Variants in PCDHGA6 observed in about 807,000 individuals in gnomAD.
PCDHGA6 encodes the protein protocadherin gamma subfamily A, 6.
In PCDHGA6, 41 loss-of-function variants were observed where a neutral mutation model predicts 60.6. That is an observed-to-expected ratio of 0.68 (90% CI 0.53 to 0.88). The LOEUF is 0.88. Ranked by LOEUF, PCDHGA6 falls within the 40% of genes least tolerant of loss-of-function variation. The pLI, the probability that PCDHGA6 is intolerant of heterozygous loss-of-function variation, is 0.00. For synonymous variants in PCDHGA6, 594 were observed against 524.4 expected, an observed-to-expected ratio of 1.13 and a Z score of -1.81; for missense variants, 1,312 against 1,203.0, an observed-to-expected ratio of 1.09 and a Z score of -1.34.
At chr5:141,469,468 G>A (rs62379200) in intron 1 of PCDHGA6, among the ~76,000 whole-genome samples, 32,669 of 151,998 alleles carry the variant, frequency 0.21, 3,638 homozygotes, top group African/African-American at 0.27. Context: ...TCAGCTACTC[G>A]GGAGGCTGAG....
At chr5:141,413,199 A>T in intron 1 of PCDHGA6, 1 of 1,611,930 alleles carries the variant, frequency 6.2e-7, no homozygotes, top group Non-Finnish European at 8.5e-7. Flanking sequence ...GGAATCGCTC[A>T]AAGGAATCAA....
chr5:141,427,711 A>G, intron 1 of PCDHGA6: 1 of 1,036,496 alleles, frequency 9.6e-7, no homozygotes. Context: ...AGCGCCTCTG[A>G]CCTGGACCTA....
rs369886570 is a variant in PCDHGA6 at position 141,487,839 on chromosome 5, G to A, written c.2425-6968G>A. ...GGGGGCGGGTCATGCCTATATCTGAGTAAGAAATGAAAGTAATTGGTGATC... is the reference window on the plus strand; with the variant it reads ...GGGGGCGGGTCATGCCTATATCTGAATAAGAAATGAAAGTAATTGGTGATC... On this transcript the variant is annotated intron_variant, in intron 1 of 3. Transcript: ENST00000517434. The surrounding 1 kb of genome is among the most constrained non-coding windows in gnomAD (Gnocchi z 5.0). The A allele has an allele frequency of 2.7e-6, 3 of 1,103,412 alleles. No homozygotes were observed. Among genetic ancestry groups the A allele is most frequent in the African/African-American group, 1.6e-5 (1 of 63,054 alleles). The allele number at this position is 1,103,412 out of a possible 1,614,324, so 68.4% of individuals were successfully genotyped here.
chr5:141,400,656 A>G (rs72790034), intron 1 of PCDHGA6: 33,230 of 1,084,006 alleles, frequency 0.031, 658 homozygotes, highest in East Asian at 0.041. Context: ...CTGTCCTACC[A>G]TTCTTTAAGA....
At position 141,375,208 on chromosome 5, in the gene PCDHGA6, C is replaced by T; in HGVS notation, c.1125C>T (p.Asp375=). 2 of 1,613,958 alleles carry T rather than the reference C, an allele frequency of 1.2e-6. No individual in the cohort carries two copies. The highest frequency in any genetic ancestry group is 8.5e-7 in the Non-Finnish European group (1 of 1,179,858). Residue 375 remains aspartate, a synonymous_variant, in exon 1 of 4, where the codon GAC becomes GAT. Transcript: ENST00000517434. Reference sequence around the variant, plus strand: ...CCCTTTTTCAAGTGTTCGATCGAGACTCTGGCCTGAATGGCCTGGTAACCT... The same window carrying T: ...CCCTTTTTCAAGTGTTCGATCGAGATTCTGGCCTGAATGGCCTGGTAACCT... ...VIALFQVFDR[D]SGLNGLVTCS... is the part of the protein sequence containing the mutation.
intron 1 of PCDHGA6, chr5:141,413,439 G>A (rs747331348): frequency 1.1e-4 from 179 of 1,613,988 alleles, no homozygotes; most frequent in Non-Finnish European, 1.4e-4. Flanking sequence ...GCGGCAGCTT[G>A]ATCACCGCGG....
At chr5:141,421,985 C>A (rs762388624) in intron 1 of PCDHGA6, 1 of 1,608,432 alleles carries the variant, frequency 6.2e-7, no homozygotes, top group East Asian at 2.2e-5. Flanking sequence ...GTGAGTGTTC[C>A]AGAAAACATC....
At chr5:141,464,748 T>C (rs995568259) in intron 1 of PCDHGA6, among the ~76,000 whole-genome samples, 2 of 152,190 alleles carry the variant, frequency 1.3e-5, no homozygotes, top group Admixed American at 1.3e-4. Context: ...TATCTTTTTG[T>C]TTTTTTAGAG....
At chr5:141,404,482 C>T (rs758102201) in intron 1 of PCDHGA6, 2 of 1,613,594 alleles carry the variant, frequency 1.2e-6, no homozygotes, top group East Asian at 2.2e-5. Context: ...TTAACTCAGA[C>T]ACTGGTGTGC....
intron 1 of PCDHGA6, chr5:141,419,472 G>A (rs1392935171): frequency 6.2e-7 from 1 of 1,612,330 alleles, no homozygotes; most frequent in Non-Finnish European, 8.5e-7. Flanking sequence ...CGCGACCAGG[G>A]CTCGCCCGCG....
chr5:141,374,498 G>A lies in PCDHGA6; in HGVS notation c.415G>A (p.Glu139Lys). The change falls in exon 1 of 4, where the codon GAA becomes AAA. Residue 139 changes from glutamate to lysine, a missense_variant. Coordinates refer to ENST00000517434, the MANE Select transcript of PCDHGA6 (RefSeq NM_018919.3). Reference sequence around the variant, plus strand: ...ACCCCGATTCTTAAAGGAAGAATTGGAAGTGAAAATTCTCGAAAACGCAGC... The same window carrying A: ...ACCCCGATTCTTAAAGGAAGAATTGAAAGTGAAAATTCTCGAAAACGCAGC... ...NTPRFLKEEL[E>K]VKILENAAPS... 5.0e-6 allele frequency: 8 copies of A among 1,611,504 alleles called. No homozygotes were observed. Among genetic ancestry groups the A allele is most frequent in the South Asian group, 1.1e-5 (1 of 91,082 alleles).
At chr5:141,506,351 A>G (rs1029519620) in intron 3 of PCDHGA6, among the ~76,000 whole-genome samples, 2 of 150,784 alleles carry the variant, frequency 1.3e-5, no homozygotes, top group African/African-American at 4.9e-5. Context: ...TGGGAGGCTG[A>G]GGCAGGAGAA....
At chr5:141,466,095 C>T (rs1170423552) in intron 1 of PCDHGA6, among the ~76,000 whole-genome samples, 1 of 152,038 alleles carries the variant, frequency 6.6e-6, no homozygotes, top group African/African-American at 2.4e-5. Flanking sequence ...GCACTCCAGC[C>T]TGGGCAACAG....
chr5:141,450,179 A>G (rs1472867634), intron 1 of PCDHGA6, among the ~76,000 whole-genome samples: 1 of 151,100 alleles, frequency 6.6e-6, no homozygotes, highest in African/African-American at 2.4e-5. Flanking sequence ...CACCACACCC[A>G]GCTAATTTTT....
intron 1 of PCDHGA6, chr5:141,419,310 A>G: frequency 6.2e-7 from 1 of 1,613,948 alleles, no homozygotes; most frequent in Non-Finnish European, 8.5e-7. Flanking sequence ...TTCGGGCTCA[A>G]CGGCCGTGTC....
rs752796935 is a variant in PCDHGA6, at chr5:141,399,900, C to T, written c.2424+23393C>T. ...TGGTGACCAAGGTAGTGGCCGTGGACGCAGACTCAGGACACAACGCCTGGC... is the reference window on the plus strand; with the variant it reads ...TGGTGACCAAGGTAGTGGCCGTGGATGCAGACTCAGGACACAACGCCTGGC... On this transcript the variant is annotated intron_variant, in intron 1 of 3. Coordinates refer to ENST00000517434, the MANE Select transcript of PCDHGA6 (RefSeq NM_018919.3). The T allele has an allele frequency of 7.4e-6, 12 of 1,612,414 alleles. 1 individual carries two copies. In the South Asian group the frequency reaches 9.9e-5, roughly 13 times the overall value.
chr5:141,438,714 G>A (rs1051491309), intron 1 of PCDHGA6, among the ~76,000 whole-genome samples: 1 of 147,786 alleles, frequency 6.8e-6, no homozygotes, highest in South Asian at 2.2e-4. Flanking sequence ...AGGCTGGAGT[G>A]CAAGTGGTGT....
intron 1 of PCDHGA6, chr5:141,394,275 A>T: frequency 6.2e-7 from 1 of 1,613,910 alleles, no homozygotes; most frequent in Non-Finnish European, 8.5e-7. Context: ...TGCCCAGGTC[A>T]CTTACTCTGT....
intron 1 of PCDHGA6, among the ~76,000 whole-genome samples, chr5:141,484,321 G>A (rs2099594762): frequency 6.6e-6 from 1 of 152,124 alleles, no homozygotes; most frequent in Non-Finnish European, 1.5e-5. Flanking sequence ...CTTCCATACT[G>A]TCCTTGAAAT....
Sources: allele counts gnomAD v4.1 joint callset (sites outside exome capture counted in the v4.1 genomes callset), GRCh38; gene constraint gnomAD v4.1.1; non-coding constraint Gnocchi (gnomAD v3.1); transcripts MANE v1.5; gene names NCBI Gene and HGNC (gene_info 2026-07-23, HGNC 2026-07-21).